VAV3: variants seen among roughly 807,000 people sequenced by gnomAD.
The protein encoded by VAV3 is guanine nucleotide exchange factor VAV3.
In VAV3, 94 loss-of-function variants were observed where a neutral mutation model predicts 131.2. That is an observed-to-expected ratio of 0.72 (90% CI 0.61 to 0.85). The LOEUF (loss-of-function observed/expected upper bound fraction) is 0.85. VAV3 is among the 40% of genes least tolerant of loss of function. The probability of loss-of-function intolerance (pLI) is 0.00; values close to 1 mark genes in which losing one functional copy is unlikely to be tolerated. For missense variants in VAV3, 939 were observed against 1,002.7 expected, an observed-to-expected ratio of 0.94 and a Z score of 0.86; for synonymous variants, 349 against 342.0, an observed-to-expected ratio of 1.02 and a Z score of -0.22.
At chr1:107,654,380 T>C (rs865842602) in intron 19 of VAV3, among the ~76,000 whole-genome samples, 30 of 152,008 alleles carry the variant, frequency 2.0e-4, no homozygotes, top group Admixed American at 7.2e-4. Flanking sequence ...GGGATTATAA[T>C]ATTGGAAATA....
intron 2 of VAV3, among the ~76,000 whole-genome samples, chr1:107,822,943 C>A (rs1229496720): frequency 6.6e-6 from 1 of 151,834 alleles, no homozygotes; most frequent in African/African-American, 2.4e-5. Flanking sequence ...AGACAAAAGA[C>A]AAGTAAGCAA....
chr1:107,845,603 A>G (rs1283393727), intron 2 of VAV3, among the ~76,000 whole-genome samples: 1 of 152,148 alleles, frequency 6.6e-6, no homozygotes, highest in African/African-American at 2.4e-5. Context: ...AGAAGAACAT[A>G]AACGACCTGA....
intron 2 of VAV3, among the ~76,000 whole-genome samples, chr1:107,837,235 C>A (rs1668517751): frequency 6.6e-6 from 1 of 152,056 alleles, no homozygotes; most frequent in Non-Finnish European, 1.5e-5. Context: ...ATGAAGGAGG[C>A]CTTATTCCTG....
chr1:107,647,637 A>AACAT (rs1485646764), intron 19 of VAV3, among the ~76,000 whole-genome samples: 2 of 152,036 alleles, frequency 1.3e-5, no homozygotes, highest in Non-Finnish European at 2.9e-5. Flanking sequence ...AGGACCCTAA[A>AACAT]ACATGTACAT....
intron 14 of VAV3, 94 bp downstream of exon 14, chr1:107,749,364 GGATT>G: frequency 7.6e-7 from 1 of 1,316,606 alleles, no homozygotes; most frequent in South Asian, 1.5e-5. Flanking sequence ...AAAAACATCT[GGATT>G]GATAAGCCAT....
intron 2 of VAV3, among the ~76,000 whole-genome samples, chr1:107,806,657 G>T (rs17020080): frequency 1.5e-4 from 23 of 151,922 alleles, no homozygotes; most frequent in Non-Finnish European, 3.2e-4. Context: ...CTAACCACCA[G>T]TTTTCTTCAA....
chr1:107,906,713 A>C (rs1268738327), intron 1 of VAV3, among the ~76,000 whole-genome samples: 1 of 152,006 alleles, frequency 6.6e-6, no homozygotes, highest in Non-Finnish European at 1.5e-5. Context: ...TAAAATAAAA[A>C]TAAAATAACA....
intron 2 of VAV3, among the ~76,000 whole-genome samples, chr1:107,792,901 A>G (rs1435792302): frequency 2.0e-5 from 3 of 152,188 alleles, no homozygotes; most frequent in Non-Finnish European, 4.4e-5. Context: ...GTATAATTCA[A>G]TCGTACATTA....
chr1:107,830,719 A>C (rs1436203011), intron 2 of VAV3, among the ~76,000 whole-genome samples: 1 of 151,968 alleles, frequency 6.6e-6, no homozygotes, highest in Non-Finnish European at 1.5e-5. Context: ...TGTCTTGGTA[A>C]ATTCTTTACC....
chr1:107,943,906 G>A (rs394635), intron 1 of VAV3, among the ~76,000 whole-genome samples: 144,594 of 152,258 alleles, frequency 0.95, 69,073 homozygotes, highest in East Asian at 1. Context: ...TCCAAGCTGT[G>A]CCCACAAAAC....
At chr1:107,704,184 A>G (rs1660306849) in intron 17 of VAV3, among the ~76,000 whole-genome samples, 1 of 152,218 alleles carries the variant, frequency 6.6e-6, no homozygotes, top group Non-Finnish European at 1.5e-5. Flanking sequence ...TAAGAACTAA[A>G]GATAGAAGAA....
At chr1:107,737,539 G>C (rs558595410) in intron 15 of VAV3, among the ~76,000 whole-genome samples, 14 of 152,248 alleles carry the variant, frequency 9.2e-5, no homozygotes, top group African/African-American at 3.4e-4. Context: ...CAAAAAGTAG[G>C]CAAAGGATAT....
At chr1:107,660,670 A>C (rs552574410) in intron 19 of VAV3, among the ~76,000 whole-genome samples, 20 of 152,306 alleles carry the variant, frequency 1.3e-4, no homozygotes, top group African/African-American at 4.6e-4. Flanking sequence ...TCTTTTCCTA[A>C]GGCATTCATT....
At chr1:107,926,117 TA>T (rs796570874) in intron 1 of VAV3, among the ~76,000 whole-genome samples, 1 of 151,486 alleles carries the variant, frequency 6.6e-6, no homozygotes, top group Non-Finnish European at 1.5e-5. Context: ...CCATCTCTAC[TA>T]AAAAAATACA....
chr1:107,659,213 T>A (rs906919846), intron 19 of VAV3, among the ~76,000 whole-genome samples: 1 of 152,172 alleles, frequency 6.6e-6, no homozygotes, highest in Non-Finnish European at 1.5e-5. Context: ...GGGAATCCTT[T>A]ATATTTTTAA....
Position 107,709,165 on chromosome 1 carries a change from G to A in VAV3, c.1503-4104C>T, listed in dbSNP as rs371135604. On this transcript the variant is annotated intron_variant, in intron 15 of 26. Transcript: ENST00000370056. ...CCTAGGCTTTCAGTAACTTTGTACC[G>A]CCCTAAAAGTAGCACTAAAAGTACT... 2.0e-4 allele frequency among the ~76,000 whole-genome samples: 31 copies of A among 152,146 alleles called. 1 individual carries two copies. Among genetic ancestry groups the A allele is most frequent in the Admixed American group, 7.2e-4 (11 of 15,250 alleles).
At chr1:107,734,591 C>G (rs1662471206) in intron 15 of VAV3, among the ~76,000 whole-genome samples, 1 of 152,096 alleles carries the variant, frequency 6.6e-6, no homozygotes, top group African/African-American at 2.4e-5. Context: ...TTTAAACCAA[C>G]AAAGATCAAA....
chr1:107,670,209 C>T (rs772449537), intron 19 of VAV3, among the ~76,000 whole-genome samples: 5 of 152,146 alleles, frequency 3.3e-5, no homozygotes, highest in Non-Finnish European at 7.3e-5. Flanking sequence ...GTAAGAATTT[C>T]CATCACTGCT....
chr1:107,909,565 C>A (rs189742390), intron 1 of VAV3, among the ~76,000 whole-genome samples: 1 of 152,262 alleles, frequency 6.6e-6, no homozygotes, highest in Non-Finnish European at 1.5e-5. Context: ...AAATTCCATA[C>A]CCATCACATA....
Sources: allele counts gnomAD v4.1 joint callset (sites outside exome capture counted in the v4.1 genomes callset), GRCh38; gene constraint gnomAD v4.1.1; transcripts MANE v1.5; gene names NCBI Gene and HGNC (gene_info 2026-07-23, HGNC 2026-07-21).